Variants in DOCK3 observed in about 807,000 individuals in gnomAD.
The protein encoded by DOCK3 is dedicator of cytokinesis 3, also known as dedicator of cytokinesis protein 3.
In DOCK3, 60 loss-of-function variants were observed where a neutral mutation model predicts 265.6. That is an observed-to-expected ratio of 0.23 (90% confidence interval 0.18 to 0.28). The LOEUF (loss-of-function observed/expected upper bound fraction) is 0.28, where lower values mean the gene tolerates loss of function less well. DOCK3 is among the 10% of genes least tolerant of loss of function. The probability of loss-of-function intolerance (pLI) is 1.00; values close to 1 mark genes in which losing one functional copy is unlikely to be tolerated. For synonymous variants in DOCK3, 881 were observed against 938.0 expected, an observed-to-expected ratio of 0.94 and a Z score of 1.11; for missense variants, 1,981 against 2,594.3, an observed-to-expected ratio of 0.76 and a Z score of 5.14.
At chr3:50,697,557 C>T (rs1377008611) in intron 1 of DOCK3, among the ~76,000 whole-genome samples, 2 of 152,228 alleles carry the variant, frequency 1.3e-5, no homozygotes, top group East Asian at 3.9e-4. Context: ...TGCCACTGCA[C>T]TCCAGCCTGG....
chr3:50,997,697 T>C (rs991050611), intron 5 of DOCK3, among the ~76,000 whole-genome samples: 2 of 152,162 alleles, frequency 1.3e-5, no homozygotes, highest in Non-Finnish European at 2.9e-5. Flanking sequence ...GGTGCTGCAC[T>C]GGCTGAGTTG....
At chr3:51,063,158 G>C (rs572358305) in intron 5 of DOCK3, among the ~76,000 whole-genome samples, 10 of 152,054 alleles carry the variant, frequency 6.6e-5, no homozygotes, top group Non-Finnish European at 1.3e-4. Context: ...TGAAGCAAGA[G>C]GATTACTTGG....
chr3:51,286,700 C>G (rs1347142138), intron 27 of DOCK3, among the ~76,000 whole-genome samples: 2 of 152,032 alleles, frequency 1.3e-5, no homozygotes, highest in Non-Finnish European at 2.9e-5. Flanking sequence ...ACAAAGTTGA[C>G]AAAAACAAGC....
intron 1 of DOCK3, among the ~76,000 whole-genome samples, chr3:50,723,763 A>G (rs1189280278): frequency 1.3e-5 from 2 of 152,220 alleles, no homozygotes; most frequent in African/African-American, 2.4e-5. Context: ...AACCTAGGCA[A>G]TGCCATTCAG....
intron 5 of DOCK3, among the ~76,000 whole-genome samples, chr3:50,984,459 A>G (rs748608026): frequency 6.6e-6 from 1 of 151,916 alleles, no homozygotes; most frequent in Non-Finnish European, 1.5e-5. Flanking sequence ...GGTAGAGACT[A>G]TTTCTCTCTC....
chr3:51,326,583 T>TTGTTG (rs2084132171), intron 32 of DOCK3, among the ~76,000 whole-genome samples: 1 of 139,998 alleles, frequency 7.1e-6, no homozygotes, highest in Non-Finnish European at 1.5e-5. Context: ...CCTGGCATGT[T>TTGTTG]TTGTTGTTGT....
intron 1 of DOCK3, among the ~76,000 whole-genome samples, chr3:50,717,676 G>A (rs1012954880): frequency 1.3e-5 from 2 of 152,136 alleles, no homozygotes; most frequent in African/African-American, 4.8e-5. Context: ...AAGCTGGAGT[G>A]CAGTGGCGCA....
chr3:50,842,384 C>A (rs1029914270), intron 3 of DOCK3, among the ~76,000 whole-genome samples: 3 of 152,082 alleles, frequency 2.0e-5, no homozygotes, highest in Admixed American at 1.3e-4. Flanking sequence ...CCAAAATTAT[C>A]ACTTTTTTCA....
intron 9 of DOCK3, among the ~76,000 whole-genome samples, chr3:51,098,596 C>G (rs2082959942): frequency 6.6e-6 from 1 of 152,138 alleles, no homozygotes; most frequent in South Asian, 2.1e-4. Flanking sequence ...TTTTGTTTCC[C>G]TCTGCAAAAG....
intron 1 of DOCK3, among the ~76,000 whole-genome samples, chr3:50,698,516 G>GGTTTTT (rs2035790649): frequency 2.4e-4 from 3 of 12,412 alleles, no homozygotes; most frequent in Admixed American, 2.3e-3. Context: ...GTATGTTTTT[G>GGTTTTT]GTTTTTTTTT....
rs1386863728 is a variant in DOCK3 at position 50,961,364 on chromosome 3, G to A, written c.315+27287G>A. On this transcript the variant is annotated intron_variant, in intron 5 of 52. Coordinates refer to ENST00000266037, the MANE Select transcript of DOCK3 (RefSeq NM_004947.5). The stretch of plus-strand genomic sequence containing the variant: ...ATATCAAATGAGGATACATGCAAAA[G>A]AAAGAATGCAGTGAGAGGAATAGGA... Among the ~76,000 whole-genome samples, 9 of 152,282 alleles carry A rather than the reference G, an allele frequency of 5.9e-5. No homozygotes were observed. The South Asian group carries it at 8.3e-4, about 14-fold the overall frequency.
chr3:50,803,037 T>TTA (rs36120819), intron 2 of DOCK3, among the ~76,000 whole-genome samples: 2 of 150,478 alleles, frequency 1.3e-5, no homozygotes, highest in East Asian at 1.9e-4. Context: ...CTTTTTTTTT[T>TTA]AAGATTTTAT....
chr3:51,002,415 G>C (rs1395863949), intron 5 of DOCK3, among the ~76,000 whole-genome samples: 1 of 152,166 alleles, frequency 6.6e-6, no homozygotes, highest in African/African-American at 2.4e-5. Context: ...TTTCTTAGTT[G>C]TATCTTCACA....
chr3:51,055,911 A>G (rs558279650), intron 5 of DOCK3, among the ~76,000 whole-genome samples: 9 of 152,250 alleles, frequency 5.9e-5, no homozygotes, highest in Admixed American at 4.6e-4. Flanking sequence ...TGGAATATCA[A>G]CTCTATAATG....
chr3:51,051,908 C>T (rs569547917), intron 5 of DOCK3, among the ~76,000 whole-genome samples: 1 of 152,128 alleles, frequency 6.6e-6, no homozygotes, highest in South Asian at 2.1e-4. Flanking sequence ...AACCAGATCT[C>T]ACATGAACTC....
chr3:50,924,340 A>G (rs1223484523), intron 4 of DOCK3, among the ~76,000 whole-genome samples: 2 of 152,218 alleles, frequency 1.3e-5, no homozygotes, highest in Admixed American at 6.5e-5. Context: ...TAAAAAAGCT[A>G]GCATAACAAA....
intron 5 of DOCK3, among the ~76,000 whole-genome samples, chr3:50,935,524 T>G (rs1010425497): frequency 1.9e-4 from 29 of 152,150 alleles, no homozygotes; most frequent in African/African-American, 6.3e-4. Flanking sequence ...GAGAAACCTG[T>G]GGTTGGAACT....
chr3:51,070,563 A>G (rs2081818398), intron 6 of DOCK3, among the ~76,000 whole-genome samples: 1 of 152,222 alleles, frequency 6.6e-6, no homozygotes, highest in African/African-American at 2.4e-5. Flanking sequence ...GGTAAAAGGT[A>G]GTAATTACTA....
chr3:50,741,677 T>C (rs1576302052), intron 1 of DOCK3, among the ~76,000 whole-genome samples: 1 of 150,686 alleles, frequency 6.6e-6, no homozygotes, highest in African/African-American at 2.4e-5. Flanking sequence ...TCTATCATTG[T>C]TGGACATTTG....
Sources: allele counts gnomAD v4.1 joint callset (sites outside exome capture counted in the v4.1 genomes callset), GRCh38; gene constraint gnomAD v4.1.1; transcripts MANE v1.5; gene names NCBI Gene and HGNC (gene_info 2026-07-23, HGNC 2026-07-21).